The following OPCML variants were observed in gnomAD, a reference collection of about 807,000 sequenced individuals.
OPCML encodes the protein opioid binding protein/cell adhesion molecule like.
OPCML carries 13 observed loss-of-function variants against 37.8 expected under a neutral mutation model. The ratio of observed to expected loss-of-function variants is 0.34; its 90% CI spans 0.22 to 0.55. The LOEUF (loss-of-function observed/expected upper bound fraction) is 0.55, where lower values mean the gene tolerates loss of function less well. Among genes scored for constraint, OPCML ranks in the 20% least tolerant of loss-of-function variants. OPCML has a pLI of 0.91. For missense variants in OPCML, 341 were observed against 435.6 expected (o/e 0.78, Z 1.93); for synonymous variants, 176 against 168.8 (o/e 1.04, Z -0.33).
intron 1 of OPCML, among the ~76,000 whole-genome samples, chr11:133,247,253 C>A (rs1940956377): frequency 6.6e-6 from 1 of 151,954 alleles, no homozygotes; most frequent in South Asian, 2.1e-4. Context: ...ATAGGAAAGC[C>A]CAGAGAAGGA....
At position 132,415,905 on chromosome 11, in the gene OPCML, G is replaced by A. The variant is rs763372441; in HGVS notation, c.*4288C>T. On this transcript the variant is annotated 3_prime_UTR_variant, in exon 8 of 8. Transcript: ENST00000524381. ...TGTTTGCATGTGGTGATCATTAGGC[G>A]TTCTCATCATATGGTCTCTTTTTGA... 72 of 152,568 alleles carry A rather than the reference G, an allele frequency of 4.7e-4. No individual in the cohort carries two copies. Among genetic ancestry groups the A allele is most frequent in the African/African-American group, 5.6e-4 (23 of 41,434 alleles). 9.5% of individuals were successfully genotyped at this position (152,568 alleles called of 1,614,324 possible). A position where few individuals can be genotyped will look rare whatever the true frequency, so the allele number is the denominator to read the frequency against.
chr11:133,038,218 CA>C, intron 1 of OPCML, among the ~76,000 whole-genome samples: 1 of 152,348 alleles, frequency 6.6e-6, no homozygotes, highest in Middle Eastern at 3.4e-3. Flanking sequence ...TTCCCACACC[CA>C]GCCATGCCAT....
chr11:132,876,524 C>T (rs550651637), intron 2 of OPCML, among the ~76,000 whole-genome samples: 3 of 152,170 alleles, frequency 2.0e-5, no homozygotes, highest in Non-Finnish European at 4.4e-5. Flanking sequence ...TGGACAGCAC[C>T]TCGAGTCCCA....
At chr11:133,442,345 G>T (rs1222248125) in intron 1 of OPCML, among the ~76,000 whole-genome samples, 1 of 152,058 alleles carries the variant, frequency 6.6e-6, no homozygotes, top group Non-Finnish European at 1.5e-5. Context: ...ATTCTTGGTG[G>T]CATTATAAAT....
rs193228370 is a variant in OPCML, at chr11:133,206,818, A to C, written c.62-263808T>G. On this transcript the variant is annotated intron_variant, in intron 1 of 7. Coordinates refer to ENST00000524381, the MANE Select transcript of OPCML (RefSeq NM_001012393.5). The surrounding 1 kb of genome is among the most constrained non-coding windows in gnomAD (Gnocchi z 4.7). ...GTGAATGGATGCAGCACCCACGCTT[A>C]CCCTCCACACTCTCACGATGTCCAC... Among the ~76,000 whole-genome samples the C allele has an allele frequency of 9.3e-4, 141 of 152,190 alleles. No homozygotes were observed. The highest frequency in any genetic ancestry group is 1.5e-3 in the Non-Finnish European group (105 of 68,024).
chr11:132,874,382 A>G (rs778396037), intron 2 of OPCML, among the ~76,000 whole-genome samples: 2 of 150,746 alleles, frequency 1.3e-5, no homozygotes, highest in Non-Finnish European at 2.9e-5. Context: ...ACTAGGGAAC[A>G]ATCTTTTATC....
chr11:132,829,588 G>A (rs1940565700), intron 2 of OPCML, among the ~76,000 whole-genome samples: 1 of 152,186 alleles, frequency 6.6e-6, no homozygotes, highest in African/African-American at 2.4e-5. Context: ...AGAGACCTAA[G>A]GGCAAAAGAT....
intron 2 of OPCML, among the ~76,000 whole-genome samples, chr11:132,668,221 T>C (rs1331682842): frequency 1.3e-5 from 2 of 152,144 alleles, no homozygotes; most frequent in Non-Finnish European, 2.9e-5. Context: ...TAGAGGCAAG[T>C]TGGTTCTTCT....
At chr11:132,961,319 A>G (rs1946088769) in intron 1 of OPCML, among the ~76,000 whole-genome samples, 1 of 152,206 alleles carries the variant, frequency 6.6e-6, no homozygotes, top group Admixed American at 6.5e-5. Flanking sequence ...TTTAAAAAAA[A>G]GTACATTTTA....
chr11:132,606,908 G>A (rs571691163), intron 3 of OPCML, among the ~76,000 whole-genome samples: 2 of 152,294 alleles, frequency 1.3e-5, no homozygotes, highest in South Asian at 4.1e-4. Flanking sequence ...TACTGTTAGA[G>A]CCAATTTGGA....
At chr11:133,465,100 G>A (rs1429941548) in intron 1 of OPCML, among the ~76,000 whole-genome samples, 1 of 152,152 alleles carries the variant, frequency 6.6e-6, no homozygotes. Context: ...AGGAGAACAG[G>A]AGTTTACAAT....
chr11:133,366,805 A>C (rs2136738060), intron 1 of OPCML, among the ~76,000 whole-genome samples: 1 of 152,302 alleles, frequency 6.6e-6, no homozygotes, highest in African/African-American at 2.4e-5. Context: ...TTAAGAGATG[A>C]GTGTAAAACT....
At chr11:133,170,473 G>T (rs546456823) in intron 1 of OPCML, among the ~76,000 whole-genome samples, 1 of 152,170 alleles carries the variant, frequency 6.6e-6, no homozygotes, top group African/African-American at 2.4e-5. Context: ...GCGACAGAGC[G>T]AGACTCCGTC....
chr11:133,382,352 T>A (rs1944947979), intron 1 of OPCML, among the ~76,000 whole-genome samples: 1 of 152,198 alleles, frequency 6.6e-6, no homozygotes, highest in African/African-American at 2.4e-5. Context: ...GAGGCATGTA[T>A]CCATGCAGTA....
intron 1 of OPCML, among the ~76,000 whole-genome samples, chr11:133,479,534 A>G (rs1947328916): frequency 6.6e-6 from 1 of 152,232 alleles, no homozygotes; most frequent in Admixed American, 6.5e-5. Context: ...CCCTCGCAGA[A>G]CAGACTTTGC....
intron 2 of OPCML, among the ~76,000 whole-genome samples, chr11:132,710,260 TCA>T (rs1944206998): frequency 6.6e-6 from 1 of 152,090 alleles, no homozygotes; most frequent in African/African-American, 2.4e-5. Flanking sequence ...AGTTTTTTTC[TCA>T]GTTAAAAAAA....
chr11:132,624,149 A>G (rs1939595310), intron 3 of OPCML, among the ~76,000 whole-genome samples: 1 of 152,224 alleles, frequency 6.6e-6, no homozygotes, highest in East Asian at 1.9e-4. Context: ...GGATTCATAT[A>G]TTGATTAATA....
At chr11:133,223,085 G>A (rs1434226524) in intron 1 of OPCML, among the ~76,000 whole-genome samples, 1 of 152,200 alleles carries the variant, frequency 6.6e-6, no homozygotes, top group Admixed American at 6.5e-5. Context: ...AGCCAAAAGT[G>A]AGGGTGCCTC....
At chr11:132,740,793 G>T (rs541993538) in intron 2 of OPCML, among the ~76,000 whole-genome samples, 1 of 152,302 alleles carries the variant, frequency 6.6e-6, no homozygotes, top group Non-Finnish European at 1.5e-5. Flanking sequence ...TTCCTGGGAA[G>T]TTGGCAACCA....
Sources: allele counts gnomAD v4.1 joint callset (sites outside exome capture counted in the v4.1 genomes callset), GRCh38; gene constraint gnomAD v4.1.1; non-coding constraint Gnocchi (gnomAD v3.1); transcripts MANE v1.5; gene names NCBI Gene and HGNC (gene_info 2026-07-23, HGNC 2026-07-21).